PCNX1: variants seen among roughly 807,000 people sequenced by gnomAD.
PCNX1 encodes the protein pecanex-like protein 1.
A neutral mutation model predicts 242.2 loss-of-function variants in PCNX1; 78 were observed. The ratio of observed to expected loss-of-function variants is 0.32; its 90% CI spans 0.27 to 0.39. The LOEUF is 0.39. PCNX1 is among the 10% of genes least tolerant of loss of function. The probability of loss-of-function intolerance (pLI) is 1.00; values close to 1 mark genes in which losing one functional copy is unlikely to be tolerated. For synonymous variants in PCNX1, 1,024 were observed against 1,032.9 expected, an observed-to-expected ratio of 0.99 and a Z score of 0.17; for missense variants, 2,581 against 2,856.5, an observed-to-expected ratio of 0.90 and a Z score of 2.20.
chr14:70,978,144 A>C lies in PCNX1; in HGVS notation c.1807A>C (p.Ser603Arg), dbSNP rs1377301853. ...TATATTTTGTCATGACGAAGACTCT[A>C]GTGATCAGAGTGACTTGAGTAGAGC... ...SAIFCHDEDSSDQSDLSRASS... is the reference protein window; with the variant it reads ...SAIFCHDEDSRDQSDLSRASS... The change falls in exon 6 of 36, where the codon AGT becomes CGT. Residue 603 changes from serine to arginine, a missense_variant. Ser to Arg is a moderately radical substitution (Grantham distance 110, BLOSUM62 -1). This residue lies in a region of PCNX1 where 1,204 missense variants were observed against 1,216.7 expected (regional missense o/e 0.99). Coordinates refer to ENST00000304743, the MANE Select transcript of PCNX1 (RefSeq NM_014982.3). 5 of 1,614,158 alleles carry C rather than the reference A, an allele frequency of 3.1e-6. No individual in the cohort carries two copies. Among genetic ancestry groups the C allele is most frequent in the Non-Finnish European group, 4.2e-6 (5 of 1,180,032 alleles).
intron 26 of PCNX1, among the ~76,000 whole-genome samples, chr14:71,061,036 G>A (rs1490206851): frequency 1.3e-5 from 2 of 152,196 alleles, no homozygotes; most frequent in Admixed American, 6.5e-5. Context: ...AGCTGATTGT[G>A]AGGAAAATTA....
intron 8 of PCNX1, among the ~76,000 whole-genome samples, chr14:71,005,977 C>T (rs535497875): frequency 1.4e-5 from 2 of 145,980 alleles, no homozygotes; most frequent in East Asian, 2.0e-4. Flanking sequence ...GGCTGGAGGG[C>T]GGTGGCATGA....
chr14:70,987,007 C>A (rs1190298374), intron 6 of PCNX1, among the ~76,000 whole-genome samples: 2 of 152,138 alleles, frequency 1.3e-5, no homozygotes, highest in Non-Finnish European at 2.9e-5. Flanking sequence ...ACCAATTGTT[C>A]ATCTGATTTT....
chr14:71,072,342 G>T (rs1202060894), intron 26 of PCNX1, among the ~76,000 whole-genome samples: 1 of 152,148 alleles, frequency 6.6e-6, no homozygotes, highest in Non-Finnish European at 1.5e-5. Flanking sequence ...TCAGTGTCAG[G>T]TTCAAGTCAA....
At chr14:71,109,098 T>TATTTC in intron 34 of PCNX1, 52 bp downstream of exon 34, 1 of 1,407,544 alleles carries the variant, frequency 7.1e-7, no homozygotes, top group Non-Finnish European at 9.7e-7. Flanking sequence ...TATTTGTTTT[T>TATTTC]ATTTCTTATT....
intron 31 of PCNX1, among the ~76,000 whole-genome samples, chr14:71,102,849 T>C (rs1487727699): frequency 2.6e-5 from 4 of 152,204 alleles, no homozygotes; most frequent in Admixed American, 1.3e-4. Flanking sequence ...ATTGCTAATA[T>C]AATATGATTC....
intron 8 of PCNX1, among the ~76,000 whole-genome samples, chr14:71,003,238 C>T (rs1053396414): frequency 2.0e-5 from 3 of 151,746 alleles, no homozygotes; most frequent in Non-Finnish European, 2.9e-5. Flanking sequence ...TGCGTGCCAC[C>T]GTGCCCAGCT....
rs995239594 is a variant in PCNX1, at chr14:71,111,330, G to T, written c.*1395G>T. ...TTCCCTTTTGGTGTGAAACTCCAAA[G>T]AAAATTGTACATCTCCTCTGAGCAT... On this transcript the variant is annotated 3_prime_UTR_variant, in exon 36 of 36. Coordinates refer to ENST00000304743, the MANE Select transcript of PCNX1 (RefSeq NM_014982.3). 1 of 152,520 alleles carries T rather than the reference G, an allele frequency of 6.6e-6. No homozygotes were observed. Among genetic ancestry groups the T allele is most frequent in the African/African-American group, 2.4e-5 (1 of 41,434 alleles). 9.4% of individuals were successfully genotyped at this position (152,520 alleles called of 1,614,324 possible).
At chr14:70,988,889 G>A (rs1293299673) in intron 7 of PCNX1, among the ~76,000 whole-genome samples, 190 bp downstream of exon 7, 3 of 151,810 alleles carry the variant, frequency 2.0e-5, no homozygotes, top group Non-Finnish European at 2.9e-5. Flanking sequence ...CATGCTTTAT[G>A]TTGCACTGTT....
At chr14:70,922,218 T>A (rs1023032697) in intron 1 of PCNX1, among the ~76,000 whole-genome samples, 2 of 152,136 alleles carry the variant, frequency 1.3e-5, no homozygotes, top group African/African-American at 4.8e-5. Flanking sequence ...AAGTTAAAAA[T>A]CCTTTGTTAA....
chr14:70,934,505 C>T (rs1365707741), intron 1 of PCNX1, among the ~76,000 whole-genome samples: 1 of 152,156 alleles, frequency 6.6e-6, no homozygotes, highest in Non-Finnish European at 1.5e-5. Context: ...TGGACTTGAA[C>T]TCCTGGGCTC....
rs2061640773 is a variant in PCNX1, at chr14:71,073,598, G to C, written c.4906G>C (p.Asp1636His). Residue 1636 changes from aspartate to histidine, a missense_variant, in exon 27 of 36, where the codon GAT (aspartate) becomes CAT (histidine). Around this residue, in one of 9 missense-constraint regions of PCNX1, gnomAD observed 298 missense variants for 480.1 expected, o/e 0.62. Coordinates refer to ENST00000304743, the MANE Select transcript of PCNX1 (RefSeq NM_014982.3). Reference sequence around the variant, plus strand: ...GGCCATTACTGAAGGTGTAGAGGAAGATGAAGGATTTTGCTGTTGTGAACC... The same window carrying C: ...GGCCATTACTGAAGGTGTAGAGGAACATGAAGGATTTTGCTGTTGTGAACC... ...VEAITEGVEE[D>H]EGFCCCEPGH... 6.2e-7 allele frequency: 1 copy of C among 1,613,812 alleles called. No individual in the cohort carries two copies. Among genetic ancestry groups the C allele is most frequent in the Non-Finnish European group, 8.5e-7 (1 of 1,179,828 alleles).
At chr14:70,928,771 A>G (rs1315880340) in intron 1 of PCNX1, among the ~76,000 whole-genome samples, 1 of 152,194 alleles carries the variant, frequency 6.6e-6, no homozygotes, top group Non-Finnish European at 1.5e-5. Context: ...TACCATCCGG[A>G]TAATACTGGG....
intron 1 of PCNX1, among the ~76,000 whole-genome samples, chr14:70,908,873 T>C (rs2055698759): frequency 6.6e-6 from 1 of 152,214 alleles, no homozygotes; most frequent in Non-Finnish European, 1.5e-5. Flanking sequence ...AAAGCAACAT[T>C]GAAAGTTGTT....
chr14:70,936,628 A>G (rs936637302), intron 1 of PCNX1, among the ~76,000 whole-genome samples: 1 of 152,202 alleles, frequency 6.6e-6, no homozygotes, highest in African/African-American at 2.4e-5. Flanking sequence ...ATGATTTATG[A>G]TCATTTGGCT....
intron 12 of PCNX1, 92 bp downstream of exon 12, chr14:71,019,254 T>C: frequency 1.0e-6 from 1 of 991,780 alleles, no homozygotes; most frequent in East Asian, 2.6e-5. Context: ...AGTAAGATAA[T>C]TATTTTTAGG....
rs750693171 is a variant in PCNX1, at chr14:71,076,247, C to T, written c.5165C>T (p.Thr1722Ile). 1.2e-6 allele frequency: 2 copies of T among 1,613,582 alleles called. No homozygotes were observed. Among genetic ancestry groups the T allele is most frequent in the Non-Finnish European group, 1.7e-6 (2 of 1,179,828 alleles). ...CTAGAGGAGTGGCTAGCTAATGAGA[C>T]AATGCAGGAAGGACTTCGTCTGTGT... ...SKLEEWLANE[T>I]MQEGLRLCAD... The change falls in exon 28 of 36, where the codon ACA (threonine) becomes ATA (isoleucine). Residue 1722 changes from threonine (T) to isoleucine (I), a missense_variant. This residue lies in a region of PCNX1 where 298 missense variants were observed against 480.1 expected (regional missense o/e 0.62). Coordinates refer to ENST00000304743, the MANE Select transcript of PCNX1 (RefSeq NM_014982.3).
rs2060302150 is a variant in PCNX1 at position 71,028,705 on chromosome 14, A to G, written c.3472A>G (p.Thr1158Ala). ...DIHIFGGNAT[T>A]SLLAALYSFI... is the part of the protein sequence containing the mutation. ...CTTTTCCTTTTCCTGTCTAGCCACT[A>G]CAAGCCTGCTTGCAGCACTTTACAG... is the stretch of plus-strand genomic sequence containing the variant. Residue 1158 changes from threonine (T) to alanine (A), a missense_variant, in exon 16 of 36, where the codon ACA (threonine) becomes GCA (alanine). By Grantham distance (58) the Thr-to-Ala change is moderately conservative. Coordinates refer to ENST00000304743, the MANE Select transcript of PCNX1 (RefSeq NM_014982.3). 1.3e-6 allele frequency: 2 copies of G among 1,599,436 alleles called. No homozygotes were observed. Among genetic ancestry groups the G allele is most frequent in the Non-Finnish European group, 1.7e-6 (2 of 1,171,834 alleles).
intron 1 of PCNX1, among the ~76,000 whole-genome samples, chr14:70,929,891 A>G (rs1186683272): frequency 1.3e-5 from 2 of 152,222 alleles, no homozygotes; most frequent in African/African-American, 4.8e-5. Flanking sequence ...TAACATTTTA[A>G]TTATGAGGAC....
Sources: allele counts gnomAD v4.1 joint callset (sites outside exome capture counted in the v4.1 genomes callset), GRCh38; gene constraint gnomAD v4.1.1; regional missense constraint gnomAD v4.1.1; transcripts MANE v1.5; gene names NCBI Gene and HGNC (gene_info 2026-07-23, HGNC 2026-07-21).